The following SCARA3 variants were observed in gnomAD, a reference collection of about 807,000 sequenced individuals.
SCARA3 encodes the protein cellular stress response gene protein.
Under a neutral mutation model 47.0 loss-of-function variants are expected in SCARA3, and 39 were observed. The observed-to-expected ratio is 0.83, with a 90% CI of 0.64 to 1.08. SCARA3 has a LOEUF of 1.08. Among genes scored for constraint, SCARA3 ranks in the 50% least tolerant of loss-of-function variants. SCARA3 has a pLI of 0.00. For synonymous variants in SCARA3, 356 were observed against 334.1 expected (o/e 1.07, Z -0.71); for missense variants, 724 against 792.3 (o/e 0.91, Z 1.04).
chr8:27,649,279 G>A lies in SCARA3; in HGVS notation c.8-423G>A, dbSNP rs34227584. On this transcript the variant is annotated intron_variant, in intron 1 of 5. Coordinates refer to ENST00000301904, the MANE Select transcript of SCARA3 (RefSeq NM_016240.3). Reference sequence around the variant, plus strand: ...TATGCTGGAGGCAGAGTCTTGGTGGGGACTATGCTGTGGCCAGATTCAGCC... The same window carrying A: ...TATGCTGGAGGCAGAGTCTTGGTGGAGACTATGCTGTGGCCAGATTCAGCC... Among the ~76,000 whole-genome samples, 1,305 of 152,282 alleles carry A rather than the reference G, an allele frequency of 8.6e-3. 21 individuals carry two copies. The highest frequency in any genetic ancestry group is 0.024 in the African/African-American group (1,004 of 41,540).
At chr8:27,697,266 G>A in the SCARA3 span, 9 of 220,788 alleles carry the variant, frequency 4.1e-5, no homozygotes, top group Non-Finnish European at 5.8e-5. Flanking sequence ...TGATGACATC[G>A]TTCTCCAATT....
intron 5 of SCARA3, among the ~76,000 whole-genome samples, chr8:27,670,105 G>A (rs34464278): frequency 6.6e-6 from 1 of 152,240 alleles, no homozygotes; most frequent in East Asian, 1.9e-4. Flanking sequence ...ACTCCCGCAG[G>A]CCCTCATGCA....
the SCARA3 span, chr8:27,702,976 G>T: frequency 6.6e-6 from 1 of 152,326 alleles, no homozygotes; most frequent in South Asian, 2.1e-4. Flanking sequence ...TTTCACACTC[G>T]CAGCTCTCCC....
At chr8:27,651,374 G>A (rs1801627614) in intron 2 of SCARA3, 134 bp from the exon 3 acceptor site, 1 of 1,058,926 alleles carries the variant, frequency 9.4e-7, no homozygotes, top group South Asian at 1.7e-5. Flanking sequence ...TAGAGAATGA[G>A]GGTCGAGAAC....
At chr8:27,709,463 T>C in the SCARA3 span, among the ~76,000 whole-genome samples, 23 of 152,306 alleles carry the variant, frequency 1.5e-4, no homozygotes, top group Non-Finnish European at 2.2e-4. Context: ...CTTTAACAGA[T>C]ACCATTGGGT....
At chr8:27,722,992 C>A in the SCARA3 span, among the ~76,000 whole-genome samples, 1 of 152,196 alleles carries the variant, frequency 6.6e-6, no homozygotes, top group Non-Finnish European at 1.5e-5. Flanking sequence ...CAGCAGGCAG[C>A]ATTGCTTCCC....
chr8:27,697,042 G>A, the SCARA3 span, among the ~76,000 whole-genome samples: 5 of 152,126 alleles, frequency 3.3e-5, no homozygotes, highest in African/African-American at 1.2e-4. Flanking sequence ...TGGTATGTAA[G>A]TTGTATCCTG....
intron 1 of SCARA3, among the ~76,000 whole-genome samples, chr8:27,643,198 A>G (rs1261737866): frequency 6.6e-6 from 1 of 152,216 alleles, no homozygotes; most frequent in African/African-American, 2.4e-5. Flanking sequence ...AGTTGAGGGC[A>G]AGAAAGTTGT....
downstream of SCARA3, among the ~76,000 whole-genome samples, chr8:27,674,725 CTTTTTTTT>C (rs71553874): frequency 9.4e-6 from 1 of 106,250 alleles, no homozygotes; most frequent in Non-Finnish European, 1.9e-5. Flanking sequence ...TTTTCTCTCT[CTTTTTTTT>C]TTTTTTTTTT....
At chr8:27,686,515 G>A in the SCARA3 span, among the ~76,000 whole-genome samples, 1 of 152,038 alleles carries the variant, frequency 6.6e-6, no homozygotes, top group Non-Finnish European at 1.5e-5. Context: ...CTACAAAGAA[G>A]TATTTTAGTA....
intron 1 of SCARA3, among the ~76,000 whole-genome samples, chr8:27,642,911 G>A (rs1404172854): frequency 1.3e-5 from 2 of 152,134 alleles, no homozygotes; most frequent in East Asian, 1.9e-4. Context: ...AGGGGAGTCG[G>A]GGGGGTTGGT....
upstream of SCARA3, among the ~76,000 whole-genome samples, chr8:27,633,508 G>C (rs544940718): frequency 2.0e-5 from 3 of 152,162 alleles, no homozygotes; most frequent in African/African-American, 7.2e-5. Context: ...CGAGAAAAAC[G>C]TGCAGGGCTA....
At chr8:27,727,227 A>C in the SCARA3 span, among the ~76,000 whole-genome samples, 1 of 152,140 alleles carries the variant, frequency 6.6e-6, no homozygotes, top group Non-Finnish European at 1.5e-5. Context: ...TGCCTCTGAG[A>C]TCAACACGTA....
At chr8:27,713,887 G>C in the SCARA3 span, among the ~76,000 whole-genome samples, 9 of 152,178 alleles carry the variant, frequency 5.9e-5, no homozygotes, top group African/African-American at 1.9e-4. Context: ...GCTGGAGGTA[G>C]GGCCTGGTGG....
At chr8:27,691,602 G>A in the SCARA3 span, among the ~76,000 whole-genome samples, 2 of 151,978 alleles carry the variant, frequency 1.3e-5, no homozygotes, top group East Asian at 3.9e-4. Context: ...CCTACCTCTG[G>A]CAATTCCTGT....
At chr8:27,719,792 C>A in the SCARA3 span, among the ~76,000 whole-genome samples, 21 of 152,256 alleles carry the variant, frequency 1.4e-4, no homozygotes, top group Non-Finnish European at 2.8e-4. Context: ...GTCTCCCTTC[C>A]CAACTGTCTT....
At position 27,672,076 on chromosome 8, in the gene SCARA3, T is replaced by C; in HGVS notation, c.*725T>C. The C allele has an allele frequency of 9.1e-6, 9 of 985,412 alleles. No individual in the cohort carries two copies. Among genetic ancestry groups the C allele is most frequent in the Non-Finnish European group, 1.1e-5 (9 of 829,940 alleles). 61.0% of individuals were successfully genotyped at this position (985,412 alleles called of 1,614,324 possible). On this transcript the variant is annotated 3_prime_UTR_variant, in exon 6 of 6. Transcript: ENST00000301904. ...TACTGCCAAAACTCCAGAGGCAAAG[T>C]GGACCTGGCAACCACAAGACCCTCC... is the stretch of plus-strand genomic sequence containing the variant.
At chr8:27,710,911 G>T in the SCARA3 span, among the ~76,000 whole-genome samples, 1 of 139,858 alleles carries the variant, frequency 7.2e-6, no homozygotes, top group African/African-American at 2.7e-5. Context: ...ATCTCTCATA[G>T]GTGATTTTTT....
chr8:27,712,604 GCTTGATAC>G, the SCARA3 span, among the ~76,000 whole-genome samples: 1 of 150,552 alleles, frequency 6.6e-6, no homozygotes, highest in Admixed American at 6.6e-5. Context: ...TTTTTTCATG[GCTTGATAC>G]CTCTTCCTTT....
Sources: allele counts gnomAD v4.1 joint callset (sites outside exome capture counted in the v4.1 genomes callset), GRCh38; gene constraint gnomAD v4.1.1; transcripts MANE v1.5; gene names NCBI Gene and HGNC (gene_info 2026-07-23, HGNC 2026-07-21).